The following CEP72 variants were observed in gnomAD, a reference collection of about 807,000 sequenced individuals.
CEP72 encodes the protein centrosomal protein of 72 kDa.
In CEP72, 78 loss-of-function variants were observed where a neutral mutation model predicts 65.7. The ratio of observed to expected loss-of-function variants is 1.19; its 90% CI spans 0.99 to 1.43. The LOEUF (loss-of-function observed/expected upper bound fraction) is 1.43. CEP72 is among the 40% of genes most tolerant of loss of function. The probability of loss-of-function intolerance (pLI) is 0.00; values close to 1 mark genes in which losing one functional copy is unlikely to be tolerated. For synonymous variants in CEP72, 358 were observed against 351.7 expected (o/e 1.02, Z -0.20); for missense variants, 914 against 832.9 (o/e 1.10, Z -1.20).
the CEP72 span, among the ~76,000 whole-genome samples, chr5:675,204 C>T: frequency 1.9e-5 from 1 of 52,136 alleles, no homozygotes; most frequent in African/African-American, 8.9e-5. Context: ...GCCAGGGGTT[C>T]AGTGTAGCCG....
intron 7 of CEP72, 129 bp downstream of exon 7, chr5:637,947 C>G (rs1206458520): frequency 1.1e-6 from 1 of 912,812 alleles, no homozygotes. Context: ...AGGGCTGTTA[C>G]GGCGGTGCCG....
At chr5:657,725 C>G (rs2126842131), downstream of CEP72, among the ~76,000 whole-genome samples, 1 of 152,288 alleles carries the variant, frequency 6.6e-6, no homozygotes, top group South Asian at 2.1e-4. Flanking sequence ...TGAGGTGAGT[C>G]ATTTCAGGGC....
At chr5:668,958 G>T (rs546208920), downstream of CEP72, among the ~76,000 whole-genome samples, 9 of 152,338 alleles carry the variant, frequency 5.9e-5, no homozygotes, top group South Asian at 4.1e-4. Flanking sequence ...CGGATGCTGT[G>T]TTTAAACAGC....
Position 612,483 on chromosome 5 carries a change from CG to C in CEP72, c.82+47del, listed in dbSNP as rs750685506. Reference sequence around the variant, plus strand: ...GGGCGGGGGTGCAAGCGTGAGGTGGCGGGGGGGTGGGTGCCGAGCTTCCCGG... The same window carrying C: ...GGGCGGGGGTGCAAGCGTGAGGTGGCGGGGGGTGGGTGCCGAGCTTCCCGG... On this transcript the variant is annotated intron_variant, in intron 1 of 11. Transcript: ENST00000264935. 1.0e-3 allele frequency: 474 copies of C among 474,300 alleles called. 6 individuals carry two copies. The East Asian group carries it at 0.016, about 16-fold the overall frequency. The allele number at this position is 474,300 out of a possible 1,614,324, so 29.4% of individuals were successfully genotyped here.
rs1474222859 is a variant in CEP72 at position 645,326 on chromosome 5, G to A, written c.1666+901G>A. ...ATTGGGTTGTTTTATCGAGCGGTAA[G>A]AGTTCCTTAGAGTCTTCTTTTTTAT... On this transcript the variant is annotated intron_variant, in intron 10 of 11. Coordinates refer to ENST00000264935, the MANE Select transcript of CEP72 (RefSeq NM_018140.4). The surrounding 1 kb of genome is among the most constrained non-coding windows in gnomAD (Gnocchi z 4.0). 6.6e-6 allele frequency among the ~76,000 whole-genome samples: 1 copy of A among 152,072 alleles called. No homozygotes were observed. Among genetic ancestry groups the A allele is most frequent in the Non-Finnish European group, 1.5e-5 (1 of 68,002 alleles).
rs769614223 is a variant in CEP72 at position 620,219 on chromosome 5, C to T, written c.361C>T (p.Arg121Cys). Residue 121 changes from arginine to cysteine, a missense_variant, in exon 3 of 12, where the codon CGC becomes TGC. Physicochemically the swap from Arg to Cys is radical, Grantham distance 180. Coordinates refer to ENST00000264935, the MANE Select transcript of CEP72 (RefSeq NM_018140.4). ...CGTGGTGAAGGTTGAGCCTGACTAC[C>T]GCCTTTTTGTTGTGCACCTGCTCCC... The part of the protein sequence containing the change: ...NPVVKVEPDY[R>C]LFVVHLLPKL... 1.4e-5 allele frequency: 22 copies of T among 1,614,128 alleles called. No homozygotes were observed. The highest frequency in any genetic ancestry group is 3.3e-5 in the Admixed American group (2 of 60,024).
At chr5:629,275 G>A (rs1450767534) in intron 4 of CEP72, among the ~76,000 whole-genome samples, 1 of 152,240 alleles carries the variant, frequency 6.6e-6, no homozygotes, top group Non-Finnish European at 1.5e-5. Flanking sequence ...ATGTGAAAGT[G>A]AACATTTGGA....
chr5:653,684 T>C (rs1245446631), downstream of CEP72: 4 of 152,528 alleles, frequency 2.6e-5, no homozygotes, highest in South Asian at 2.1e-4. Flanking sequence ...GTGACACTTA[T>C]AGATGTGGGG....
chr5:641,039 G>A (rs956198965), intron 9 of CEP72: 2 of 985,436 alleles, frequency 2.0e-6, no homozygotes, highest in Non-Finnish European at 2.4e-6. Flanking sequence ...ACCAGCAGCT[G>A]AAAACCTGCA....
At chr5:621,068 G>A (rs1736358558) in intron 3 of CEP72, among the ~76,000 whole-genome samples, 1 of 152,166 alleles carries the variant, frequency 6.6e-6, no homozygotes, top group Non-Finnish European at 1.5e-5. Flanking sequence ...GTGTGAAGTG[G>A]GGGGATAAGA....
chr5:633,706 T>G, intron 4 of CEP72, 63 bp from the exon 5 acceptor site: 1 of 1,500,756 alleles, frequency 6.7e-7, no homozygotes, highest in East Asian at 2.3e-5. Flanking sequence ...CTTCTCCTGG[T>G]CTGCGTGGGC....
intron 1 of CEP72, among the ~76,000 whole-genome samples, chr5:617,831 C>A (rs1217357851): frequency 2.6e-5 from 4 of 152,194 alleles, no homozygotes; most frequent in African/African-American, 9.7e-5. Context: ...CACCACGGTA[C>A]TCCAGCATGG....
chr5:649,929 T>C (rs1738847797), intron 11 of CEP72, among the ~76,000 whole-genome samples: 2 of 92,678 alleles, frequency 2.2e-5, no homozygotes, highest in African/African-American at 1.1e-4. Context: ...AGGTGTGGAC[T>C]GTGAGGCGTG....
At chr5:616,141 C>T (rs1169770624) in intron 1 of CEP72, among the ~76,000 whole-genome samples, 1 of 152,060 alleles carries the variant, frequency 6.6e-6, no homozygotes, top group African/African-American at 2.4e-5. Flanking sequence ...AGGTTTCTTT[C>T]GTTTTTCCTT....
chr5:647,990 G>A, intron 11 of CEP72, 74 bp downstream of exon 11: 1 of 976,028 alleles, frequency 1.0e-6, no homozygotes, highest in South Asian at 1.5e-5. Flanking sequence ...GGCCGGACTG[G>A]GTCACACCCA....
downstream of CEP72, among the ~76,000 whole-genome samples, chr5:671,185 G>A (rs980446736): frequency 1.3e-5 from 2 of 151,080 alleles, no homozygotes; most frequent in Non-Finnish European, 2.9e-5. Flanking sequence ...CCCTCTGGGC[G>A]CACACCCTGC....
At chr5:628,901 T>C (rs890230705) in intron 4 of CEP72, among the ~76,000 whole-genome samples, 1 of 115,184 alleles carries the variant, frequency 8.7e-6, no homozygotes, top group African/African-American at 3.8e-5. Context: ...CCCTGGGGAG[T>C]GGCCCCAGGA....
chr5:633,163 G>A (rs1383159709), intron 4 of CEP72, among the ~76,000 whole-genome samples: 78 of 75,776 alleles, frequency 1.0e-3, no homozygotes, highest in Non-Finnish European at 1.1e-3. Context: ...GCCGGGATTT[G>A]GCCCAGTCCT....
intron 5 of CEP72, among the ~76,000 whole-genome samples, chr5:634,150 A>G (rs926358699): frequency 6.6e-6 from 1 of 152,242 alleles, no homozygotes; most frequent in Non-Finnish European, 1.5e-5. Context: ...ATATTTGAGT[A>G]TAGTCATACT....
Sources: allele counts gnomAD v4.1 joint callset (sites outside exome capture counted in the v4.1 genomes callset), GRCh38; gene constraint gnomAD v4.1.1; non-coding constraint Gnocchi (gnomAD v3.1); transcripts MANE v1.5; gene names NCBI Gene and HGNC (gene_info 2026-07-23, HGNC 2026-07-21).